The following KLHL20 variants were observed in gnomAD, a reference collection of about 807,000 sequenced individuals.
KLHL20 encodes kelch like family member 20.
A neutral mutation model predicts 69.5 loss-of-function variants in KLHL20; 29 were observed. The observed-to-expected ratio is 0.42, with a 90% CI of 0.31 to 0.57. The LOEUF (loss-of-function observed/expected upper bound fraction) is 0.57. Ranked by LOEUF, KLHL20 falls within the 20% of genes least tolerant of loss-of-function variation. The pLI, the probability that KLHL20 is intolerant of heterozygous loss-of-function variation, is 0.18. For synonymous variants in KLHL20, 253 were observed against 265.2 expected (o/e 0.95, Z 0.45); for missense variants, 419 against 776.0 (o/e 0.54, Z 5.47).
At chr1:173,720,655 A>G (rs763238444) in intron 2 of KLHL20, among the ~76,000 whole-genome samples, 9 of 152,192 alleles carry the variant, frequency 5.9e-5, no homozygotes, top group Non-Finnish European at 1.2e-4. Flanking sequence ...AACCTGAAGT[A>G]TATCTATGGC....
intron 3 of KLHL20, among the ~76,000 whole-genome samples, chr1:173,746,547 T>C (rs543556125): frequency 6.0e-4 from 91 of 152,256 alleles, no homozygotes; most frequent in South Asian, 3.7e-3. Context: ...TGTATAGAGG[T>C]ATACAAAGTA....
chr1:173,753,353 A>G (rs935246981), intron 5 of KLHL20, 46 bp downstream of exon 5: 13 of 1,385,224 alleles, frequency 9.4e-6, no homozygotes, highest in Non-Finnish European at 1.3e-5. Context: ...AAGCATTCCT[A>G]TTTTTTCCTA....
chr1:173,780,964 C>A (rs1369676171), intron 10 of KLHL20, among the ~76,000 whole-genome samples: 1 of 147,880 alleles, frequency 6.8e-6, no homozygotes, highest in Non-Finnish European at 1.5e-5. Flanking sequence ...TGCACTGCAG[C>A]CTGAGTGACA....
chr1:173,740,801 A>G (rs2102482841), intron 3 of KLHL20, among the ~76,000 whole-genome samples: 1 of 151,598 alleles, frequency 6.6e-6, no homozygotes, highest in South Asian at 2.1e-4. Flanking sequence ...TCCGTGTCGT[A>G]TCTGCACTTC....
chr1:173,724,956 T>C (rs908528887), intron 2 of KLHL20, among the ~76,000 whole-genome samples: 10 of 152,220 alleles, frequency 6.6e-5, no homozygotes, highest in African/African-American at 1.9e-4. Flanking sequence ...AGTGATGATA[T>C]AAGTTCACTT....
At chr1:173,725,743 C>A (rs565335760) in intron 2 of KLHL20, among the ~76,000 whole-genome samples, 1 of 152,212 alleles carries the variant, frequency 6.6e-6, no homozygotes, top group Non-Finnish European at 1.5e-5. Flanking sequence ...TTCTCTAAAG[C>A]CTCTGTTTAA....
chr1:173,721,588 C>T (rs1321681309), intron 2 of KLHL20, among the ~76,000 whole-genome samples: 1 of 152,216 alleles, frequency 6.6e-6, no homozygotes, highest in Non-Finnish European at 1.5e-5. Flanking sequence ...GAGGATTTAC[C>T]CTTCCTGCTC....
intron 2 of KLHL20, 71 bp from the exon 3 acceptor site, chr1:173,733,642 A>G: frequency 7.8e-7 from 1 of 1,274,796 alleles, no homozygotes; most frequent in East Asian, 2.3e-5. Context: ...CTTGAATTAC[A>G]AACATTTAAG....
intron 3 of KLHL20, chr1:173,741,656 A>G: frequency 1.7e-6 from 1 of 605,732 alleles, no homozygotes; most frequent in East Asian, 3.2e-5. Context: ...TCTGGTGGTG[A>G]TGACCTTCCC....
Position 173,723,578 on chromosome 1 carries a change from G to A in KLHL20, c.23+7512G>A, listed in dbSNP as rs370165693. Among the ~76,000 whole-genome samples the A allele has an allele frequency of 2.7e-4, 41 of 152,226 alleles. No homozygotes were observed. The Middle Eastern group carries it at 0.01, about 38-fold the overall frequency. Reference sequence around the variant, plus strand: ...AGTGTTTTATTATACTGTAGTTCCCGTCAGTGCTACAGCTTTGGAAGTAGC... The same window carrying A: ...AGTGTTTTATTATACTGTAGTTCCCATCAGTGCTACAGCTTTGGAAGTAGC... On this transcript the variant is annotated intron_variant, in intron 2 of 11. Transcript: ENST00000209884.
At chr1:173,748,217 C>A (rs1387803253) in intron 3 of KLHL20, among the ~76,000 whole-genome samples, 1 of 151,980 alleles carries the variant, frequency 6.6e-6, no homozygotes, top group Admixed American at 6.6e-5. Context: ...GTGAATTTAT[C>A]AAAAATGTAA....
chr1:173,729,296 A>G (rs923995253), intron 2 of KLHL20, among the ~76,000 whole-genome samples: 4 of 152,214 alleles, frequency 2.6e-5, no homozygotes, highest in Non-Finnish European at 4.4e-5. Context: ...CCAGAGGTAC[A>G]AGGAGGAGCT....
chr1:173,763,713 T>C lies in KLHL20; in HGVS notation c.1152-2433T>C, dbSNP rs1417606935. ...AAGAAAACGAAACTGGATCCTCAGC[T>C]CTCACCTTATACAAAAATCAACTCA... On this transcript the variant is annotated intron_variant, in intron 7 of 11. Transcript: ENST00000209884. 2.0e-5 allele frequency among the ~76,000 whole-genome samples: 3 copies of C among 152,058 alleles called. No homozygotes were observed. The East Asian group carries it at 5.8e-4, about 29-fold the overall frequency.
At chr1:173,747,659 T>C (rs1338907155) in intron 3 of KLHL20, among the ~76,000 whole-genome samples, 13 of 152,046 alleles carry the variant, frequency 8.6e-5, no homozygotes, top group Admixed American at 2.6e-4. Flanking sequence ...CTGACTGATA[T>C]GTTTGTTTTC....
intron 2 of KLHL20, among the ~76,000 whole-genome samples, chr1:173,720,632 G>A (rs1238097170): frequency 2.6e-5 from 4 of 152,164 alleles, no homozygotes; most frequent in Non-Finnish European, 5.9e-5. Flanking sequence ...TAGTTTAGAT[G>A]AAAGATGATG....
chr1:173,721,412 A>C (rs12079315), intron 2 of KLHL20, among the ~76,000 whole-genome samples: 8,755 of 152,270 alleles, frequency 0.057, 805 homozygotes, highest in African/African-American at 0.19. Context: ...TCTTCCGTCT[A>C]CTATAGACAC....
rs910061982 is a variant in KLHL20, at chr1:173,751,676, C to T, written c.598-88C>T. The T allele has an allele frequency of 3.2e-5, 42 of 1,300,594 alleles. No individual in the cohort carries two copies. The East Asian group carries it at 9.4e-4, about 29-fold the overall frequency. The allele number at this position is 1,300,594 out of a possible 1,614,324, so 80.6% of individuals were successfully genotyped here. A position where few individuals can be genotyped will look rare whatever the true frequency, so the allele number is the denominator to read the frequency against. ...TGAAACTTCAGCGCATTGTAGAATA[C>T]AGCTTTGTCCCATAACCCTGAAGAA... On this transcript the variant is annotated intron_variant, in intron 3 of 11. Coordinates refer to ENST00000209884, the MANE Select transcript of KLHL20 (RefSeq NM_014458.4).
intron 2 of KLHL20, among the ~76,000 whole-genome samples, chr1:173,727,510 G>A (rs1214440256): frequency 1.3e-5 from 2 of 152,178 alleles, no homozygotes; most frequent in Admixed American, 1.3e-4. Flanking sequence ...GAAAGGTCAG[G>A]TAACCCACAA....
intron 10 of KLHL20, among the ~76,000 whole-genome samples, chr1:173,776,182 T>C (rs537472977): frequency 6.6e-6 from 1 of 152,342 alleles, no homozygotes; most frequent in Admixed American, 6.5e-5. Flanking sequence ...TCTCTAATGA[T>C]CAGATGTTGA....
Sources: allele counts gnomAD v4.1 joint callset (sites outside exome capture counted in the v4.1 genomes callset), GRCh38; gene constraint gnomAD v4.1.1; transcripts MANE v1.5; gene names NCBI Gene and HGNC (gene_info 2026-07-23, HGNC 2026-07-21).